COL4A5: variants seen among roughly 807,000 people sequenced by gnomAD.
The protein encoded by COL4A5 is collagen type IV alpha 5 chain.
A neutral mutation model predicts 130.2 loss-of-function variants in COL4A5; 26 were observed. The ratio of observed to expected loss-of-function variants is 0.20; its 90% confidence interval spans 0.15 to 0.28. COL4A5 has a LOEUF of 0.28. Among genes scored for constraint, COL4A5 ranks in the 10% least tolerant of loss-of-function variants. The pLI is 1.00. For synonymous variants in COL4A5, 496 were observed against 439.6 expected (o/e 1.13, Z -1.60); for missense variants, 1,131 against 1,344.3 (o/e 0.84, Z 2.48).
At chrX:108,514,453 G>T (rs1245691047) in intron 1 of COL4A5, among the ~76,000 whole-genome samples, 6 of 111,755 alleles carry the variant, frequency 5.4e-5, no homozygotes, top group Non-Finnish European at 1.1e-4. Context: ...TGGGCTTTCA[G>T]GACCACTGCA....
At chrX:108,604,566 C>T (rs1215343534) in intron 28 of COL4A5, among the ~76,000 whole-genome samples, 4 of 111,845 alleles carry the variant, frequency 3.6e-5, no homozygotes, top group South Asian at 7.5e-4. Context: ...TACCATAATT[C>T]GTAAGGCCCT....
chrX:108,487,693 C>G (rs1001456235), intron 1 of COL4A5, among the ~76,000 whole-genome samples: 18 of 112,121 alleles, frequency 1.6e-4, no homozygotes, highest in African/African-American at 5.8e-4. Context: ...TTCCACCGCC[C>G]ATGTGTCCAA....
At chrX:108,477,785 C>T (rs1284993286) in intron 1 of COL4A5, among the ~76,000 whole-genome samples, 3 of 97,714 alleles carry the variant, frequency 3.1e-5, no homozygotes, top group Non-Finnish European at 6.1e-5. Context: ...CACTGCACTC[C>T]AGCCTGGGCA....
intron 1 of COL4A5, among the ~76,000 whole-genome samples, chrX:108,479,723 A>G (rs745742703): frequency 3.6e-4 from 40 of 111,592 alleles, no homozygotes; most frequent in African/African-American, 1.2e-3. Context: ...TACCACTTCC[A>G]TTTGATGATG....
intron 1 of COL4A5, among the ~76,000 whole-genome samples, chrX:108,506,010 A>G (rs907635318): frequency 2.7e-5 from 3 of 112,107 alleles, no homozygotes; most frequent in African/African-American, 6.5e-5. Context: ...TTGAACTTAA[A>G]CATATTTGAT....
At chrX:108,680,623 C>A (rs2068407937) in intron 44 of COL4A5, 56 bp from the exon 45 acceptor site, 4 of 1,003,913 alleles carry the variant, frequency 4.0e-6, no homozygotes, top group Admixed American at 4.4e-5. Context: ...TGCCCTCAAT[C>A]ACCTTCCTCC....
chrX:108,451,179 C>T (rs371622081), intron 1 of COL4A5, among the ~76,000 whole-genome samples: 1 of 110,452 alleles, frequency 9.1e-6, no homozygotes, highest in East Asian at 2.8e-4. Context: ...GGAACTCATC[C>T]TTTTTTATGG....
At chrX:108,491,244 C>T (rs777268834) in intron 1 of COL4A5, among the ~76,000 whole-genome samples, 1 of 111,286 alleles carries the variant, frequency 9.0e-6, no homozygotes, top group Admixed American at 9.6e-5. Context: ...GTGGTTCTTT[C>T]CCTTTTGCCC....
At chrX:108,684,303 C>A (rs767085273) in intron 47 of COL4A5, among the ~76,000 whole-genome samples, 1 of 110,779 alleles carries the variant, frequency 9.0e-6, no homozygotes, top group East Asian at 2.8e-4. Context: ...AAAAACCCTT[C>A]AAAAAATCAA....
At chrX:108,651,546 G>A (rs1013367140) in intron 36 of COL4A5, among the ~76,000 whole-genome samples, 1 of 111,567 alleles carries the variant, frequency 9.0e-6, no homozygotes, top group Non-Finnish European at 1.9e-5. Flanking sequence ...TGTATGTGCT[G>A]TGATTACTAG....
At chrX:108,460,203 C>T (rs1454539093) in intron 1 of COL4A5, among the ~76,000 whole-genome samples, 1 of 111,506 alleles carries the variant, frequency 9.0e-6, no homozygotes, top group African/African-American at 3.3e-5. Flanking sequence ...TATAAACAGG[C>T]CAATTTGCCC....
intron 6 of COL4A5, 196 bp downstream of exon 6, chrX:108,569,017 G>A (rs1257343762): frequency 2.4e-6 from 1 of 409,123 alleles, no homozygotes; most frequent in Non-Finnish European, 4.3e-6. Context: ...TAATTAGCTG[G>A]GATATTGCAT....
chrX:108,682,062 C>A (rs922145670), intron 47 of COL4A5, among the ~76,000 whole-genome samples, 174 bp downstream of exon 47: 3 of 111,533 alleles, frequency 2.7e-5, no homozygotes, highest in African/African-American at 9.8e-5. Context: ...CTCTAGCCCC[C>A]CTACCCCTTG....
At chrX:108,562,174 T>G (rs1328397239) in intron 3 of COL4A5, among the ~76,000 whole-genome samples, 5 of 111,983 alleles carry the variant, frequency 4.5e-5, no homozygotes, top group Non-Finnish European at 9.4e-5. Flanking sequence ...ACTGTCACAC[T>G]CCTCAACATA....
intron 19 of COL4A5, among the ~76,000 whole-genome samples, chrX:108,590,019 C>A (rs768151907): frequency 1.1e-3 from 126 of 111,469 alleles, no homozygotes; most frequent in Non-Finnish European, 1.9e-3. Flanking sequence ...ATGTGGCCAA[C>A]AAACATGAAA....
intron 2 of COL4A5, among the ~76,000 whole-genome samples, chrX:108,542,216 G>A (rs1205152613): frequency 3.6e-5 from 4 of 110,775 alleles, no homozygotes; most frequent in Non-Finnish European, 5.7e-5. Context: ...CCATTAGCTC[G>A]TCATTTACAT....
chrX:108,548,100 C>T (rs955647596), intron 2 of COL4A5, among the ~76,000 whole-genome samples: 3 of 111,028 alleles, frequency 2.7e-5, no homozygotes, highest in African/African-American at 6.5e-5. Flanking sequence ...ACGCTCGGTG[C>T]GCTGCACCCA....
At chrX:108,557,923 T>TTA (rs764866699) in intron 2 of COL4A5, among the ~76,000 whole-genome samples, 143 of 107,895 alleles carry the variant, frequency 1.3e-3, no homozygotes, top group Admixed American at 2.1e-3. Context: ...CGGGGTTCTT[T>TTA]TATATATATA....
chrX:108,505,381 G>T (rs1410935440), intron 1 of COL4A5, among the ~76,000 whole-genome samples: 1 of 109,813 alleles, frequency 9.1e-6, no homozygotes. Context: ...TAAAGCTATT[G>T]AAATAAAAAA....
Sources: allele counts gnomAD v4.1 joint callset (sites outside exome capture counted in the v4.1 genomes callset), GRCh38; gene constraint gnomAD v4.1.1; transcripts MANE v1.5; gene names NCBI Gene and HGNC (gene_info 2026-07-23, HGNC 2026-07-21).